SLC24A3: variants seen among roughly 807,000 people sequenced by gnomAD.
SLC24A3 encodes sodium/potassium/calcium exchanger 3.
A neutral mutation model predicts 75.8 loss-of-function variants in SLC24A3; 28 were observed. The ratio of observed to expected loss-of-function variants is 0.37; its 90% CI spans 0.27 to 0.51. The LOEUF (loss-of-function observed/expected upper bound fraction) is 0.51, where lower values mean the gene tolerates loss of function less well. Among genes scored for constraint, SLC24A3 ranks in the 20% least tolerant of loss-of-function variants. SLC24A3 has a pLI of 0.94. For synonymous variants in SLC24A3, 372 were observed against 334.1 expected (o/e 1.11, Z -1.24); for missense variants, 663 against 847.8 (o/e 0.78, Z 2.71).
At chr20:19,357,869 G>C (rs535305976) in intron 2 of SLC24A3, among the ~76,000 whole-genome samples, 1 of 152,370 alleles carries the variant, frequency 6.6e-6, no homozygotes, top group African/African-American at 2.4e-5. Flanking sequence ...CTGGGAGGGG[G>C]TGTTGGCTCT....
At chr20:19,473,012 G>T (rs921444455) in intron 2 of SLC24A3, among the ~76,000 whole-genome samples, 1 of 152,170 alleles carries the variant, frequency 6.6e-6, no homozygotes, top group African/African-American at 2.4e-5. Flanking sequence ...GCTAGCTGGG[G>T]TTCGGGGGCC....
intron 15 of SLC24A3, among the ~76,000 whole-genome samples, chr20:19,708,828 T>C (rs2122162270): frequency 6.6e-6 from 1 of 152,320 alleles, no homozygotes; most frequent in Middle Eastern, 3.4e-3. Flanking sequence ...TTGACCATTG[T>C]GTTTCAGGCT....
At chr20:19,700,904 A>G (rs1305236739) in intron 15 of SLC24A3, among the ~76,000 whole-genome samples, 1 of 151,378 alleles carries the variant, frequency 6.6e-6, no homozygotes, top group Non-Finnish European at 1.5e-5. Context: ...TATAGGTTTT[A>G]GAGTTTTACC....
intron 2 of SLC24A3, among the ~76,000 whole-genome samples, chr20:19,489,561 T>C (rs1402647031): frequency 6.6e-6 from 1 of 152,190 alleles, no homozygotes; most frequent in African/African-American, 2.4e-5. Context: ...TTCTCTCTTT[T>C]ATGGATTTGT....
At chr20:19,406,255 T>A (rs74869599) in intron 2 of SLC24A3, among the ~76,000 whole-genome samples, 3,402 of 152,016 alleles carry the variant, frequency 0.022, 68 homozygotes, top group Middle Eastern at 0.048. Context: ...TATCTAAATG[T>A]TGGTACCAAA....
At chr20:19,390,899 G>A (rs541385202) in intron 2 of SLC24A3, among the ~76,000 whole-genome samples, 9 of 152,254 alleles carry the variant, frequency 5.9e-5, no homozygotes, top group Non-Finnish European at 1.0e-4. Flanking sequence ...AGGTGGTCCT[G>A]AATTCTGAGG....
At chr20:19,583,685 C>G (rs549143224) in intron 4 of SLC24A3, among the ~76,000 whole-genome samples, 1 of 152,208 alleles carries the variant, frequency 6.6e-6, no homozygotes, top group Non-Finnish European at 1.5e-5. Context: ...ACATGGCTCC[C>G]GCCTCCTGGC....
At chr20:19,495,083 G>T (rs1002951743) in intron 2 of SLC24A3, among the ~76,000 whole-genome samples, 4 of 152,152 alleles carry the variant, frequency 2.6e-5, no homozygotes, top group African/African-American at 9.7e-5. Context: ...GCAGGAGCTG[G>T]CCTTTGTACC....
intron 3 of SLC24A3, among the ~76,000 whole-genome samples, chr20:19,571,285 G>A (rs1277177892): frequency 6.6e-6 from 1 of 152,146 alleles, no homozygotes; most frequent in African/African-American, 2.4e-5. Context: ...CATCAGCCCA[G>A]CTGCACAAAC....
intron 8 of SLC24A3, among the ~76,000 whole-genome samples, chr20:19,667,476 C>T (rs991099165): frequency 1.3e-5 from 2 of 152,222 alleles, no homozygotes; most frequent in African/African-American, 4.8e-5. Context: ...AGCACAACCA[C>T]TGCTCCGCCT....
At chr20:19,530,199 C>T (rs989167056) in intron 3 of SLC24A3, among the ~76,000 whole-genome samples, 7 of 152,232 alleles carry the variant, frequency 4.6e-5, no homozygotes, top group African/African-American at 7.2e-5. Flanking sequence ...GAAAGGGGAA[C>T]GGAAGGGGTC....
intron 2 of SLC24A3, among the ~76,000 whole-genome samples, chr20:19,410,893 CTCAG>C (rs1986732216): frequency 6.6e-6 from 1 of 152,206 alleles, no homozygotes. Flanking sequence ...ATTTGATGAG[CTCAG>C]TGGGCTCACA....
chr20:19,510,491 C>G (rs75845155), intron 2 of SLC24A3, among the ~76,000 whole-genome samples: 2,818 of 152,226 alleles, frequency 0.019, 80 homozygotes, highest in African/African-American at 0.064. Flanking sequence ...AAGGAGGCTT[C>G]GGAGATGCTG....
At chr20:19,455,693 G>A (rs1987566701) in intron 2 of SLC24A3, among the ~76,000 whole-genome samples, 1 of 152,230 alleles carries the variant, frequency 6.6e-6, no homozygotes, top group Admixed American at 6.5e-5. Context: ...TCAAGCCCTA[G>A]CTGATGGAGG....
Position 19,585,541 on chromosome 20 carries a change from G to T in SLC24A3, c.609G>T (p.Gly203=). ...TTGGTGTCTGTGGGCTCTTTGCTGG[G>T]CAGGTAAGACTGGCGGCTTCTTTGT... ...CIIGVCGLFA[G]QVVALSSWCL... Residue 203 remains glycine (G), a synonymous_variant, in exon 6 of 17, where the codon GGG becomes GGT. Coordinates refer to ENST00000328041, the MANE Select transcript of SLC24A3 (RefSeq NM_020689.4). 6.2e-7 allele frequency: 1 copy of T among 1,613,972 alleles called. No individual in the cohort carries two copies. The highest frequency in any genetic ancestry group is 8.5e-7 in the Non-Finnish European group (1 of 1,179,942).
intron 2 of SLC24A3, among the ~76,000 whole-genome samples, chr20:19,354,417 A>G (rs1268136304): frequency 6.6e-6 from 1 of 152,198 alleles, no homozygotes; most frequent in Admixed American, 6.5e-5. Context: ...GTTGGCCTAC[A>G]GAGGAGGACA....
At chr20:19,444,985 TGTGTCTCACAC>T (rs1253340956) in intron 2 of SLC24A3, among the ~76,000 whole-genome samples, 1 of 152,204 alleles carries the variant, frequency 6.6e-6, no homozygotes, top group East Asian at 1.9e-4. Flanking sequence ...CACTATTTTC[TGTGTCTCACAC>T]GTTTTGATAC....
chr20:19,515,389 C>A, intron 2 of SLC24A3, 99 bp from the exon 3 acceptor site: 2 of 1,096,480 alleles, frequency 1.8e-6, no homozygotes, highest in Non-Finnish European at 2.7e-6. Flanking sequence ...TTTTTTCATC[C>A]AAGTTCATGG....
intron 2 of SLC24A3, among the ~76,000 whole-genome samples, chr20:19,367,380 G>A (rs1344437417): frequency 3.9e-5 from 6 of 152,150 alleles, no homozygotes; most frequent in Non-Finnish European, 7.4e-5. Context: ...AAAGATAACC[G>A]AGGCTTGAAA....
Sources: gnomAD v4.1 joint callset for allele counts (sites outside exome capture counted in the v4.1 genomes callset) on GRCh38, gnomAD v4.1.1 for gene constraint, MANE v1.5 for transcripts, NCBI Gene and HGNC (gene_info 2026-07-23, HGNC 2026-07-21) for gene names.